CRACDL: variants seen among roughly 807,000 people sequenced by gnomAD.
CRACDL encodes the protein CRACD-like protein.
CRACDL carries 26 observed loss-of-function variants against 70.6 expected under a neutral mutation model. The ratio of observed to expected loss-of-function variants is 0.37; its 90% CI spans 0.27 to 0.51. CRACDL has a LOEUF of 0.51. Ranked by LOEUF, CRACDL falls within the 20% of genes least tolerant of loss-of-function variation. CRACDL has a pLI of 0.94. For missense variants in CRACDL, 1,283 were observed against 1,376.9 expected (o/e 0.93, Z 1.08); for synonymous variants, 618 against 615.2 (o/e 1.00, Z -0.07).
At chr2:98,849,583 G>T (rs748675643) in intron 1 of CRACDL, among the ~76,000 whole-genome samples, 8 of 151,934 alleles carry the variant, frequency 5.3e-5, no homozygotes, top group Non-Finnish European at 8.8e-5. Flanking sequence ...GGGGAGGGGG[G>T]AGCATGGGAG....
At chr2:98,914,817 C>A (rs1708629699) in intron 1 of CRACDL, among the ~76,000 whole-genome samples, 1 of 152,220 alleles carries the variant, frequency 6.6e-6, no homozygotes, top group African/African-American at 2.4e-5. Context: ...AGAGGGAGTC[C>A]CTGGGCAGCC....
At position 98,831,719 on chromosome 2, in the gene CRACDL, C is replaced by T. The variant is rs149206042; in HGVS notation, c.540+629G>A. ...CATCGCGAGCTATGTTGTTTATGCA[C>T]GAGAAAGAGCTCGTGCTCTTTTCCG... On this transcript the variant is annotated intron_variant, in intron 5 of 9. Transcript: ENST00000397899. Among the ~76,000 whole-genome samples, 780 of 152,294 alleles carry T rather than the reference C, an allele frequency of 5.1e-3. 1 individual carries two copies. Among genetic ancestry groups the T allele is most frequent in the African/African-American group, 0.017 (694 of 41,552 alleles).
chr2:98,920,000 T>C (rs1156310666), intron 1 of CRACDL, among the ~76,000 whole-genome samples: 3 of 152,226 alleles, frequency 2.0e-5, no homozygotes, highest in Non-Finnish European at 4.4e-5. Flanking sequence ...GCGATCCTCC[T>C]GCCTCAGCCT....
At chr2:98,849,902 G>A (rs1214752269) in intron 1 of CRACDL, among the ~76,000 whole-genome samples, 1 of 152,166 alleles carries the variant, frequency 6.6e-6, no homozygotes, top group Non-Finnish European at 1.5e-5. Context: ...ACCAGTGCCA[G>A]GCCTCAGTAT....
intron 1 of CRACDL, among the ~76,000 whole-genome samples, chr2:98,866,583 G>A (rs1707157051): frequency 6.9e-6 from 1 of 145,674 alleles, no homozygotes; most frequent in South Asian, 2.2e-4. Context: ...CTCCTCCTGG[G>A]TTCAAGTGAT....
chr2:98,827,899 G>C (rs1311257737), intron 5 of CRACDL, among the ~76,000 whole-genome samples: 1 of 152,224 alleles, frequency 6.6e-6, no homozygotes, highest in Non-Finnish European at 1.5e-5. Flanking sequence ...GGCGCAGGAA[G>C]TGCAAAGCCC....
intron 1 of CRACDL, among the ~76,000 whole-genome samples, chr2:98,932,494 G>A (rs1007294676): frequency 6.6e-6 from 1 of 152,182 alleles, no homozygotes; most frequent in Non-Finnish European, 1.5e-5. Context: ...TGTAGTGAGT[G>A]CCAAGCACAC....
At chr2:98,796,689 C>T (rs569318252) in intron 8 of CRACDL, among the ~76,000 whole-genome samples, 9 of 152,320 alleles carry the variant, frequency 5.9e-5, no homozygotes, top group Admixed American at 3.3e-4. Flanking sequence ...CTGGTTAAAA[C>T]GAGGGGAAGC....
At chr2:98,855,948 GA>G (rs1015122879) in intron 1 of CRACDL, among the ~76,000 whole-genome samples, 21 of 152,084 alleles carry the variant, frequency 1.4e-4, no homozygotes, top group African/African-American at 5.1e-4. Flanking sequence ...CAATTTGAAG[GA>G]AAAAAATGAA....
At chr2:98,866,059 C>G (rs1412449564) in intron 1 of CRACDL, among the ~76,000 whole-genome samples, 1 of 151,932 alleles carries the variant, frequency 6.6e-6, no homozygotes, top group Non-Finnish European at 1.5e-5. Flanking sequence ...GAAAGGATAG[C>G]GAGGACAGAG....
At chr2:98,795,203 A>AT (rs1703768087) in intron 9 of CRACDL, among the ~76,000 whole-genome samples, 1 of 150,072 alleles carries the variant, frequency 6.7e-6, no homozygotes, top group African/African-American at 2.5e-5. Flanking sequence ...AGCCTCCCAA[A>AT]TAGCTGGGAT....
chr2:98,892,134 C>A (rs1235771562), intron 1 of CRACDL, among the ~76,000 whole-genome samples: 3 of 152,160 alleles, frequency 2.0e-5, no homozygotes, highest in Middle Eastern at 3.2e-3. Context: ...TTGGCAATTT[C>A]TATCAAAATC....
chr2:98,889,342 AG>A (rs2104632375), intron 1 of CRACDL, among the ~76,000 whole-genome samples: 1 of 144,320 alleles, frequency 6.9e-6, no homozygotes, highest in Admixed American at 6.9e-5. Flanking sequence ...AAAGAAAGAA[AG>A]GAAACAGTAA....
chr2:98,925,620 T>C (rs1323611697), intron 1 of CRACDL, among the ~76,000 whole-genome samples: 1 of 151,810 alleles, frequency 6.6e-6, no homozygotes, highest in Non-Finnish European at 1.5e-5. Flanking sequence ...ACACGGGGAG[T>C]GCGCCTCGTG....
In CRACDL at chr2:98,866,472, CTTCTTTTTTTT is replaced by C. The variant is rs746904745; in HGVS notation, c.-10-19673_-10-19663del. On this transcript the variant is annotated intron_variant, in intron 1 of 9. Coordinates refer to ENST00000397899, the MANE Select transcript of CRACDL (RefSeq NM_207362.3). ...CACCTGATAGATGAAACAATCACTT[CTTCTTTTTTTT>C]TTTTTTTTTTTTTTTTTTTTTGAGA... Among the ~76,000 whole-genome samples, 149 of 107,806 alleles carry C rather than the reference CTTCTTTTTTTT, an allele frequency of 1.4e-3. 8 individuals carry two copies. Among genetic ancestry groups the C allele is most frequent in the East Asian group, 2.0e-3 (7 of 3,450 alleles). The allele number at this position is 107,806 out of a possible 152,430, so 70.7% of individuals were successfully genotyped here. A position where few individuals can be genotyped will look rare whatever the true frequency, so the allele number is the denominator to read the frequency against.
In CRACDL at chr2:98,936,122, G is replaced by A. The variant is rs1032254832; in HGVS notation, c.-195C>T. 8 of 151,584 alleles carry A rather than the reference G, an allele frequency of 5.3e-5. No homozygotes were observed. Among genetic ancestry groups the A allele is most frequent in the African/African-American group, 1.4e-4 (6 of 41,380 alleles). 9.4% of individuals were successfully genotyped at this position (151,584 alleles called of 1,614,324 possible). A position where few individuals can be genotyped will look rare whatever the true frequency, so the allele number is the denominator to read the frequency against. ...GGTCTGCGGCCGAAGAGCTGGACGC[G>A]GGCGCTGACACTACCCTCCCGCGGC... is the stretch of plus-strand genomic sequence containing the variant. On this transcript the variant is annotated 5_prime_UTR_variant, in exon 1 of 10. Transcript: ENST00000397899.
rs1703710561 is a variant in CRACDL, at chr2:98,794,282, C to A, written c.*250G>T. The A allele has an allele frequency of 2.6e-5, 10 of 387,746 alleles. No individual in the cohort carries two copies. In the East Asian group the frequency reaches 4.1e-4, roughly 16 times the overall value. The allele number at this position is 387,746 out of a possible 1,614,324, so 24.0% of individuals were successfully genotyped here. ...GGAATTCGAAAAGACACATTCGTAC[C>A]TTTGGGCACAGGAACTGGTTCCTGG... On this transcript the variant is annotated 3_prime_UTR_variant, in exon 10 of 10. Coordinates refer to ENST00000397899, the MANE Select transcript of CRACDL (RefSeq NM_207362.3).
intron 2 of CRACDL, among the ~76,000 whole-genome samples, chr2:98,846,221 A>G (rs958518003): frequency 1.3e-5 from 2 of 152,232 alleles, no homozygotes; most frequent in Non-Finnish European, 2.9e-5. Flanking sequence ...AGAAAGTCTT[A>G]TGAGATGGTG....
chr2:98,835,528 G>C (rs1705736583), intron 3 of CRACDL, among the ~76,000 whole-genome samples: 1 of 152,126 alleles, frequency 6.6e-6, no homozygotes, highest in African/African-American at 2.4e-5. Flanking sequence ...GGAACAACTT[G>C]AGCATTAAAA....
Sources: allele counts gnomAD v4.1 joint callset (sites outside exome capture counted in the v4.1 genomes callset), GRCh38; gene constraint gnomAD v4.1.1; transcripts MANE v1.5; gene names NCBI Gene and HGNC (gene_info 2026-07-23, HGNC 2026-07-21).